The following PRKCQ variants were observed in gnomAD, a reference collection of about 807,000 sequenced individuals.
The protein encoded by PRKCQ is protein kinase C theta type.
A neutral mutation model predicts 91.2 loss-of-function variants in PRKCQ; 41 were observed. The ratio of observed to expected loss-of-function variants is 0.45; its 90% CI spans 0.35 to 0.58. The LOEUF is 0.58. Among genes scored for constraint, PRKCQ ranks in the 20% least tolerant of loss-of-function variants. The pLI, the probability that PRKCQ is intolerant of heterozygous loss-of-function variation, is 0.00. For missense variants in PRKCQ, 673 were observed against 896.5 expected (o/e 0.75, Z 3.18); for synonymous variants, 307 against 316.9 (o/e 0.97, Z 0.33).
intron 1 of PRKCQ, among the ~76,000 whole-genome samples, chr10:6,540,858 A>G (rs1208141095): frequency 6.6e-6 from 1 of 152,214 alleles, no homozygotes; most frequent in Non-Finnish European, 1.5e-5. Context: ...CAATTCAAGA[A>G]GGTCCCACAT....
At chr10:6,447,039 G>A (rs560576083) in intron 15 of PRKCQ, among the ~76,000 whole-genome samples, 19 of 152,248 alleles carry the variant, frequency 1.2e-4, no homozygotes, top group Admixed American at 9.8e-4. Context: ...AGGGAAATCC[G>A]ACTTTCTCCA....
chr10:6,448,550 A>G (rs983874757), intron 15 of PRKCQ, among the ~76,000 whole-genome samples: 3 of 152,044 alleles, frequency 2.0e-5, no homozygotes, highest in African/African-American at 7.2e-5. Context: ...CTGGGATTAC[A>G]GGTACGTGCC....
intron 4 of PRKCQ, among the ~76,000 whole-genome samples, chr10:6,500,930 GT>G (rs1837876731): frequency 6.6e-6 from 1 of 152,136 alleles, no homozygotes; most frequent in African/African-American, 2.4e-5. Flanking sequence ...ATATATGATG[GT>G]GTGGAATAGG....
intron 12 of PRKCQ, among the ~76,000 whole-genome samples, chr10:6,467,389 C>CAGAGAGAGAGAGAGAGAGAG (rs1160599680): frequency 7.2e-5 from 2 of 27,772 alleles, no homozygotes; most frequent in Non-Finnish European, 1.3e-4. Context: ...GAGAGACAGA[C>CAGAGAGAGAGAGAGAGAGAG]AGAGAGAGAG....
intron 1 of PRKCQ, among the ~76,000 whole-genome samples, chr10:6,558,855 G>A (rs1220277431): frequency 1.3e-5 from 2 of 152,180 alleles, no homozygotes; most frequent in African/African-American, 4.8e-5. Context: ...AGAAGGGGGC[G>A]ACGAGAAACT....
chr10:6,564,852 CA>C (rs1202692198), intron 1 of PRKCQ, among the ~76,000 whole-genome samples: 2 of 152,160 alleles, frequency 1.3e-5, no homozygotes, highest in Non-Finnish European at 2.9e-5. Flanking sequence ...AATTTCAGGA[CA>C]ATAGCATGGG....
intron 15 of PRKCQ, among the ~76,000 whole-genome samples, chr10:6,452,244 C>A (rs1443218556): frequency 1.3e-5 from 2 of 152,198 alleles, no homozygotes; most frequent in African/African-American, 4.8e-5. Flanking sequence ...CATACAAAAT[C>A]AATGTACAAA....
intron 8 of PRKCQ, among the ~76,000 whole-genome samples, chr10:6,488,717 C>T (rs759102497): frequency 6.6e-6 from 1 of 152,108 alleles, no homozygotes; most frequent in Non-Finnish European, 1.5e-5. Flanking sequence ...AGTATATAGG[C>T]ATAGATATAG....
intron 14 of PRKCQ, among the ~76,000 whole-genome samples, chr10:6,458,216 G>T (rs375991348): frequency 6.6e-5 from 10 of 152,222 alleles, no homozygotes; most frequent in African/African-American, 1.4e-4. Flanking sequence ...TTATAGGCGT[G>T]AGCCACTGCG....
At chr10:6,407,563 T>C in the PRKCQ span, among the ~76,000 whole-genome samples, 1 of 151,952 alleles carries the variant, frequency 6.6e-6, no homozygotes, top group Non-Finnish European at 1.5e-5. This position sits in a 1 kb window ranked among gnomAD's most constrained non-coding sequence, Gnocchi z 4.0. Context: ...CATGTGTGTA[T>C]GGCGTGTGAA....
Position 6,520,138 on chromosome 10 carries a change from A to T in PRKCQ, c.-9-4994T>A, listed in dbSNP as rs79366389. On this transcript the variant is annotated intron_variant, in intron 1 of 17. Transcript: ENST00000263125. ...CCCATAGACCCCTTGTCTGAGCAAT[A>T]AAGTCACGCATTCGACTCTCTCCTG... 2.0e-3 allele frequency among the ~76,000 whole-genome samples: 312 copies of T among 152,290 alleles called. 3 individuals are homozygous for T. In the East Asian group the frequency reaches 0.031, roughly 15 times the overall value.
the PRKCQ span, among the ~76,000 whole-genome samples, chr10:6,420,050 G>A: frequency 6.6e-6 from 1 of 152,092 alleles, no homozygotes; most frequent in Non-Finnish European, 1.5e-5. Context: ...GTGCAGTGGT[G>A]CGATCTCGGC....
chr10:6,447,751 C>T (rs2132278707), intron 15 of PRKCQ, among the ~76,000 whole-genome samples: 1 of 152,316 alleles, frequency 6.6e-6, no homozygotes, highest in Admixed American at 6.5e-5. Context: ...TAATTCTCTG[C>T]CTCACCTAGT....
At chr10:6,447,883 G>A (rs1279430958) in intron 15 of PRKCQ, among the ~76,000 whole-genome samples, 1 of 152,210 alleles carries the variant, frequency 6.6e-6, no homozygotes, top group Non-Finnish European at 1.5e-5. Context: ...AATCACACAA[G>A]AGAGGCTAAC....
At chr10:6,531,168 G>C (rs1447570107) in intron 1 of PRKCQ, among the ~76,000 whole-genome samples, 1 of 151,684 alleles carries the variant, frequency 6.6e-6, no homozygotes, top group African/African-American at 2.4e-5. Context: ...GCTCTGGGGT[G>C]AGGATGGAGC....
Position 6,514,425 on chromosome 10 carries a change from G to C in PRKCQ, c.118+593C>G, listed in dbSNP as rs561328454. Among the ~76,000 whole-genome samples, 80 of 152,096 alleles carry C rather than the reference G, an allele frequency of 5.3e-4. 1 individual carries two copies. In the South Asian group the frequency reaches 0.016, roughly 31 times the overall value. On this transcript the variant is annotated intron_variant, in intron 2 of 17. Transcript: ENST00000263125. ...TTCTGAACCCACAAACAGGACGTTG[G>C]GTGGCTGTCCCACTTTCCCCCTCAC... is the stretch of plus-strand genomic sequence containing the variant.
At chr10:6,563,607 T>G (rs1840715902) in intron 1 of PRKCQ, among the ~76,000 whole-genome samples, 2 of 152,166 alleles carry the variant, frequency 1.3e-5, no homozygotes, top group South Asian at 4.1e-4. Context: ...GCTTTGTTCC[T>G]CCTCTTCCTG....
At chr10:6,446,665 C>T (rs755958900) in intron 15 of PRKCQ, among the ~76,000 whole-genome samples, 44 of 152,150 alleles carry the variant, frequency 2.9e-4, no homozygotes, top group Non-Finnish European at 5.9e-4. Context: ...CATGCCCGGC[C>T]CATGCCCAAT....
intron 1 of PRKCQ, among the ~76,000 whole-genome samples, chr10:6,545,273 C>T (rs191069080): frequency 3.3e-5 from 5 of 152,328 alleles, no homozygotes; most frequent in Admixed American, 2.0e-4. Context: ...CAAAGCACTG[C>T]ACTGGGCGCT....
Sources: gnomAD v4.1 joint callset for allele counts (sites outside exome capture counted in the v4.1 genomes callset) on GRCh38, gnomAD v4.1.1 for gene constraint, Gnocchi (gnomAD v3.1) non-coding constraint, MANE v1.5 for transcripts, NCBI Gene and HGNC (gene_info 2026-07-23, HGNC 2026-07-21) for gene names.